The following ZNF385D variants were observed in gnomAD, a reference collection of about 807,000 sequenced individuals.
ZNF385D encodes the protein zinc finger protein 659.
A neutral mutation model predicts 35.8 loss-of-function variants in ZNF385D; 15 were observed. The observed-to-expected ratio is 0.42, with a 90% CI of 0.28 to 0.64. The LOEUF is 0.64. ZNF385D is among the 30% of genes least tolerant of loss of function. ZNF385D has a pLI of 0.23. For missense variants in ZNF385D, 474 were observed against 494.6 expected, an observed-to-expected ratio of 0.96 and a Z score of 0.39; for synonymous variants, 212 against 186.8, an observed-to-expected ratio of 1.13 and a Z score of -1.10.
intron 3 of ZNF385D, among the ~76,000 whole-genome samples, chr3:21,518,847 A>G (rs1388005701): frequency 1.3e-5 from 2 of 152,200 alleles, no homozygotes; most frequent in Admixed American, 6.5e-5. Context: ...AATGCAAGAA[A>G]AGACAGGATA....
intron 3 of ZNF385D, among the ~76,000 whole-genome samples, chr3:21,809,711 T>C (rs2072824321): frequency 6.6e-6 from 1 of 151,096 alleles, no homozygotes; most frequent in African/African-American, 2.4e-5. Flanking sequence ...TACACATATA[T>C]ACATATATAT....
intron 2 of ZNF385D, among the ~76,000 whole-genome samples, chr3:21,584,114 C>A (rs532708118): frequency 1.8e-4 from 28 of 151,982 alleles, no homozygotes; most frequent in Non-Finnish European, 3.4e-4. Flanking sequence ...GCTGGGATTT[C>A]AAGCACACAC....
intron 3 of ZNF385D, among the ~76,000 whole-genome samples, chr3:21,808,912 T>C (rs369632602): frequency 2.6e-5 from 4 of 152,060 alleles, no homozygotes; most frequent in African/African-American, 7.2e-5. Context: ...CACAAAGACT[T>C]TGAAAACTAA....
At chr3:21,807,044 A>C (rs1248072116) in intron 3 of ZNF385D, among the ~76,000 whole-genome samples, 1 of 152,114 alleles carries the variant, frequency 6.6e-6, no homozygotes, top group Admixed American at 6.5e-5. Flanking sequence ...TATTATGGGA[A>C]ACCAGAAGAG....
intron 3 of ZNF385D, among the ~76,000 whole-genome samples, chr3:21,907,089 C>A (rs1164521522): frequency 6.6e-6 from 1 of 152,100 alleles, no homozygotes; most frequent in Non-Finnish European, 1.5e-5. Context: ...ACACATTTCC[C>A]ACCTGCTCAT....
In ZNF385D at chr3:21,500,732, G is replaced by T. The variant is rs771035375; in HGVS notation, c.439+10129C>A. On this transcript the variant is annotated intron_variant, in intron 4 of 7. Coordinates refer to ENST00000281523, the MANE Select transcript of ZNF385D (RefSeq NM_024697.3). ...AGACTGGCAAAAATGATAGGCAAGG[G>T]TTAGATCACTAAAGAGTTCTGATGC... Among the ~76,000 whole-genome samples the T allele has an allele frequency of 4.1e-4, 62 of 152,174 alleles. 1 individual carries two copies. The highest frequency in any genetic ancestry group is 7.9e-4 in the Non-Finnish European group (54 of 68,030).
At chr3:22,216,071 ACTT>A (rs200909677) in intron 2 of ZNF385D, among the ~76,000 whole-genome samples, 14 of 151,860 alleles carry the variant, frequency 9.2e-5, no homozygotes, top group African/African-American at 2.4e-4. Flanking sequence ...ATCCCTACTG[ACTT>A]CTTCTCCCTT....
intron 3 of ZNF385D, among the ~76,000 whole-genome samples, chr3:21,962,590 A>AT (rs879522269): frequency 6.6e-5 from 10 of 152,140 alleles, no homozygotes; most frequent in South Asian, 2.1e-4. Context: ...GGAAGTACTG[A>AT]TTTTTTTCAG....
In ZNF385D at chr3:21,665,045, A is replaced by G. The variant is rs764010023; in HGVS notation, c.23-17T>C. The G allele has an allele frequency of 5.1e-6, 8 of 1,579,950 alleles. 1 individual carries two copies. In the South Asian group the frequency reaches 9.2e-5, roughly 18 times the overall value. ...ATGTACCACCTGTGAAGACCAGAGCAAAGGGAGCAATCAGGGACACCACGC... is the reference window on the plus strand; with the variant it reads ...ATGTACCACCTGTGAAGACCAGAGCGAAGGGAGCAATCAGGGACACCACGC... On this transcript the variant is annotated splice_polypyrimidine_tract_variant and intron_variant, in intron 1 of 7. Coordinates refer to ENST00000281523, the MANE Select transcript of ZNF385D (RefSeq NM_024697.3).
chr3:21,420,804 T>C lies in ZNF385D; in HGVS notation c.*410A>G, dbSNP rs1207258544. 1 of 157,796 alleles carries C rather than the reference T, an allele frequency of 6.3e-6. No individual in the cohort carries two copies. The highest frequency in any genetic ancestry group is 1.4e-5 in the Non-Finnish European group (1 of 71,634). The allele number at this position is 157,796 out of a possible 1,614,324, so 9.8% of individuals were successfully genotyped here. On this transcript the variant is annotated 3_prime_UTR_variant, in exon 8 of 8. Coordinates refer to ENST00000281523, the MANE Select transcript of ZNF385D (RefSeq NM_024697.3). ...GTTTTTTTCCTTTTTTTTTGTACGATTTTAATCTACAGAGTAAATTATTTT... is the reference window on the plus strand; with the variant it reads ...GTTTTTTTCCTTTTTTTTTGTACGACTTTAATCTACAGAGTAAATTATTTT...
At chr3:21,444,120 C>T (rs1307172036) in intron 4 of ZNF385D, among the ~76,000 whole-genome samples, 2 of 144,204 alleles carry the variant, frequency 1.4e-5, no homozygotes, top group Non-Finnish European at 3.0e-5. Flanking sequence ...CGCTCTGTCA[C>T]CCAGGCTGGA....
chr3:21,876,876 G>C (rs998552753), intron 3 of ZNF385D, among the ~76,000 whole-genome samples: 2 of 152,038 alleles, frequency 1.3e-5, no homozygotes, highest in East Asian at 3.9e-4. Flanking sequence ...GCTTTCTTTA[G>C]GATCACTAAT....
At chr3:22,089,412 G>A (rs1222030531) in intron 3 of ZNF385D, among the ~76,000 whole-genome samples, 1 of 152,174 alleles carries the variant, frequency 6.6e-6, no homozygotes, top group Non-Finnish European at 1.5e-5. Flanking sequence ...CTAAAAGGAC[G>A]CTGGAGGAAG....
intron 3 of ZNF385D, among the ~76,000 whole-genome samples, chr3:22,134,821 G>T (rs1704009675): frequency 6.6e-6 from 1 of 152,058 alleles, no homozygotes; most frequent in Non-Finnish European, 1.5e-5. Flanking sequence ...TGATAAAAGA[G>T]GGGTCTAACT....
intron 3 of ZNF385D, among the ~76,000 whole-genome samples, chr3:21,968,963 C>T (rs539914): frequency 0.14 from 20,724 of 152,092 alleles, 3,396 homozygotes; most frequent in African/African-American, 0.4. Flanking sequence ...TATTGCTGGA[C>T]TTGGCTTGGG....
At chr3:21,895,206 G>A (rs942796352) in intron 3 of ZNF385D, among the ~76,000 whole-genome samples, 4 of 151,590 alleles carry the variant, frequency 2.6e-5, no homozygotes, top group Admixed American at 1.3e-4. Context: ...CAGGGTAACT[G>A]GTAAGAGCTA....
At chr3:21,607,490 T>C (rs573392600) in intron 2 of ZNF385D, among the ~76,000 whole-genome samples, 1 of 152,146 alleles carries the variant, frequency 6.6e-6, no homozygotes, top group East Asian at 1.9e-4. Context: ...TCATTATCAT[T>C]ATCAAGTTTA....
At chr3:21,558,646 T>A (rs2062828311) in intron 3 of ZNF385D, among the ~76,000 whole-genome samples, 1 of 152,084 alleles carries the variant, frequency 6.6e-6, no homozygotes, top group Admixed American at 6.6e-5. Context: ...GGGTGGAGAG[T>A]TCTGTAGATG....
chr3:21,519,068 C>T (rs1263903227), intron 3 of ZNF385D, among the ~76,000 whole-genome samples: 1 of 152,030 alleles, frequency 6.6e-6, no homozygotes, highest in African/African-American at 2.4e-5. Context: ...AAATGTATTC[C>T]TGTCTTCTGT....
Sources: allele counts gnomAD v4.1 joint callset (sites outside exome capture counted in the v4.1 genomes callset), GRCh38; gene constraint gnomAD v4.1.1; transcripts MANE v1.5; gene names NCBI Gene and HGNC (gene_info 2026-07-23, HGNC 2026-07-21).